The following MACROD2 variants were observed in gnomAD, a reference collection of about 807,000 sequenced individuals.
The protein encoded by MACROD2 is mono-ADP ribosylhydrolase 2.
MACROD2 carries 36 observed loss-of-function variants against 70.4 expected under a neutral mutation model. The ratio of observed to expected loss-of-function variants is 0.51; its 90% CI spans 0.39 to 0.68. MACROD2 has a LOEUF of 0.68. MACROD2 is among the 30% of genes least tolerant of loss of function. The probability of loss-of-function intolerance (pLI) is 0.00; values close to 1 mark genes in which losing one functional copy is unlikely to be tolerated. For synonymous variants in MACROD2, 172 were observed against 178.8 expected (o/e 0.96, Z 0.30); for missense variants, 496 against 538.4 (o/e 0.92, Z 0.78).
At chr20:14,404,535 T>G (rs1271873524) in intron 3 of MACROD2, among the ~76,000 whole-genome samples, 1 of 151,768 alleles carries the variant, frequency 6.6e-6, no homozygotes, top group African/African-American at 2.4e-5. Context: ...AGGCGGAGGT[T>G]GCAGTGAACA....
At chr20:14,002,126 C>T (rs2052740149) in intron 1 of MACROD2, among the ~76,000 whole-genome samples, 162 bp from the exon 2 acceptor site, 1 of 152,084 alleles carries the variant, frequency 6.6e-6, no homozygotes, top group South Asian at 2.1e-4. Context: ...TGAAATTTAA[C>T]ATTTTTTAAC....
At chr20:14,468,812 TATGTGTGTCATTAC>T (rs756007173) in intron 3 of MACROD2, among the ~76,000 whole-genome samples, 4 of 152,090 alleles carry the variant, frequency 2.6e-5, no homozygotes, top group Non-Finnish European at 5.9e-5. Context: ...GCCCAGCCTC[TATGTGTGTCATTAC>T]ATGTGTGTCA....
intron 5 of MACROD2, among the ~76,000 whole-genome samples, chr20:15,126,519 T>C (rs2123263772): frequency 6.6e-6 from 1 of 152,226 alleles, no homozygotes; most frequent in South Asian, 2.1e-4. Flanking sequence ...ATTAAAATCT[T>C]GCAGCTTACA....
At chr20:15,512,489 A>C (rs1279187361) in intron 8 of MACROD2, among the ~76,000 whole-genome samples, 4 of 152,246 alleles carry the variant, frequency 2.6e-5, no homozygotes, top group African/African-American at 7.2e-5. Flanking sequence ...TATTGTAGGC[A>C]GATTTGAAAA....
intron 5 of MACROD2, among the ~76,000 whole-genome samples, chr20:14,686,806 G>A (rs184027300): frequency 6.6e-6 from 1 of 152,178 alleles, no homozygotes; most frequent in African/African-American, 2.4e-5. Context: ...AACTATATAT[G>A]CTGTTTAATT....
intron 3 of MACROD2, among the ~76,000 whole-genome samples, chr20:14,109,583 A>G (rs2054420122): frequency 6.6e-6 from 1 of 151,938 alleles, no homozygotes; most frequent in South Asian, 2.1e-4. Flanking sequence ...GAATACTGCA[A>G]AAACTCAAAG....
intron 13 of MACROD2, among the ~76,000 whole-genome samples, chr20:15,981,619 T>C (rs992511896): frequency 1.3e-5 from 2 of 152,154 alleles, no homozygotes; most frequent in Non-Finnish European, 2.9e-5. Context: ...AAAAAACAAA[T>C]TTTTAGTCTT....
At chr20:15,405,462 C>T (rs2045988059) in intron 6 of MACROD2, among the ~76,000 whole-genome samples, 1 of 152,114 alleles carries the variant, frequency 6.6e-6, no homozygotes, top group African/African-American at 2.4e-5. Flanking sequence ...CCTCCAGGAG[C>T]AATAGGATTT....
chr20:15,515,703 T>G (rs2047557576), intron 8 of MACROD2, among the ~76,000 whole-genome samples: 1 of 152,256 alleles, frequency 6.6e-6, no homozygotes, highest in African/African-American at 2.4e-5. Flanking sequence ...GAGCTGAGCA[T>G]GTATAAAGCC....
chr20:14,550,880 GT>G (rs11469816), intron 4 of MACROD2, among the ~76,000 whole-genome samples: 4,357 of 147,102 alleles, frequency 0.03, 72 homozygotes, highest in Admixed American at 0.044. Flanking sequence ...ATCAGTAGCA[GT>G]TTTTTTTTTT....
At chr20:15,973,200 CT>C (rs1366344087) in intron 13 of MACROD2, among the ~76,000 whole-genome samples, 2 of 151,776 alleles carry the variant, frequency 1.3e-5, no homozygotes, top group African/African-American at 2.4e-5. Flanking sequence ...TATATTTTGT[CT>C]GTGTTTCTAT....
intron 8 of MACROD2, among the ~76,000 whole-genome samples, chr20:15,526,009 A>G (rs2047716570): frequency 6.6e-6 from 1 of 152,248 alleles, no homozygotes; most frequent in Admixed American, 6.5e-5. Context: ...TATTTTTAAC[A>G]TCTAATAAAA....
At chr20:15,225,154 A>T (rs1198448987) in intron 5 of MACROD2, among the ~76,000 whole-genome samples, 1 of 152,058 alleles carries the variant, frequency 6.6e-6, no homozygotes, top group Non-Finnish European at 1.5e-5. Flanking sequence ...TAATATAAAG[A>T]AATTATTGAG....
chr20:14,823,458 C>T (rs1356225430), intron 5 of MACROD2, among the ~76,000 whole-genome samples: 1 of 152,090 alleles, frequency 6.6e-6, no homozygotes. Context: ...CTGGAGCTGG[C>T]AGAGTGGCTC....
chr20:14,868,386 A>G (rs1354529442), intron 5 of MACROD2, among the ~76,000 whole-genome samples: 1 of 151,780 alleles, frequency 6.6e-6, no homozygotes, highest in African/African-American at 2.4e-5. Flanking sequence ...ACAGAATCTC[A>G]AACTCTGGAG....
chr20:14,518,092 A>G (rs2085123215), intron 4 of MACROD2, among the ~76,000 whole-genome samples: 1 of 151,986 alleles, frequency 6.6e-6, no homozygotes, highest in Non-Finnish European at 1.5e-5. Flanking sequence ...CTTACTTTAC[A>G]TATTTTATAT....
intron 5 of MACROD2, among the ~76,000 whole-genome samples, chr20:15,073,478 C>CAA (rs1227710971): frequency 1.6e-4 from 23 of 147,070 alleles, no homozygotes; most frequent in Admixed American, 4.7e-4. Context: ...CACACACACA[C>CAA]ACACACACAC....
chr20:15,854,889 T>G (rs2064339829), intron 8 of MACROD2, among the ~76,000 whole-genome samples: 1 of 152,212 alleles, frequency 6.6e-6, no homozygotes, highest in South Asian at 2.1e-4. Flanking sequence ...TTTAATTCAC[T>G]TATTAAGCAG....
intron 8 of MACROD2, among the ~76,000 whole-genome samples, chr20:15,521,251 T>C (rs1409301265): frequency 2.6e-5 from 4 of 152,182 alleles, no homozygotes; most frequent in Admixed American, 2.0e-4. Flanking sequence ...TCGGTTTGCC[T>C]TCTCGTTTTT....
Sources: allele counts gnomAD v4.1 joint callset (sites outside exome capture counted in the v4.1 genomes callset), GRCh38; gene constraint gnomAD v4.1.1; transcripts MANE v1.5; gene names NCBI Gene and HGNC (gene_info 2026-07-23, HGNC 2026-07-21).